FIG4: variants seen among roughly 807,000 people sequenced by gnomAD.
The protein encoded by FIG4 is polyphosphoinositide phosphatase.
Under a neutral mutation model 118.6 loss-of-function variants are expected in FIG4, and 112 were observed. The ratio of observed to expected loss-of-function variants is 0.94; its 90% CI spans 0.81 to 1.11. The LOEUF (loss-of-function observed/expected upper bound fraction) is 1.11, where lower values mean the gene tolerates loss of function less well. FIG4 is among the 50% of genes least tolerant of loss of function. The pLI is 0.00. For synonymous variants in FIG4, 369 were observed against 381.2 expected, an observed-to-expected ratio of 0.97 and a Z score of 0.37; for missense variants, 969 against 1,111.7, an observed-to-expected ratio of 0.87 and a Z score of 1.83.
chr6:109,740,423 C>T (rs1776288776), intron 7 of FIG4, among the ~76,000 whole-genome samples: 1 of 152,076 alleles, frequency 6.6e-6, no homozygotes, highest in Non-Finnish European at 1.5e-5. Context: ...ATGAATACTA[C>T]AGGCCAGGCA....
At chr6:109,810,415 G>A (rs1249103038) in intron 22 of FIG4, among the ~76,000 whole-genome samples, 1 of 152,130 alleles carries the variant, frequency 6.6e-6, no homozygotes, top group Non-Finnish European at 1.5e-5. Context: ...GCCTGTCCAG[G>A]TCGTGGCTGC....
At chr6:109,774,867 A>G (rs1478046595) in intron 15 of FIG4, among the ~76,000 whole-genome samples, 1 of 151,992 alleles carries the variant, frequency 6.6e-6, no homozygotes, top group Non-Finnish European at 1.5e-5. Context: ...CCCCAATACT[A>G]TTGTACTGTT....
Position 109,751,166 on chromosome 6 carries a change from C to A in FIG4, c.1137+7394C>A, listed in dbSNP as rs1562661437. On this transcript the variant is annotated intron_variant, in intron 10 of 22. Transcript: ENST00000230124. ...AATAGTGCCTTAACACCATTTCAGT[C>A]TCACTATTGTGAAATTAATTGTTTT... is the stretch of plus-strand genomic sequence containing the variant. Among the ~76,000 whole-genome samples, 7 of 152,164 alleles carry A rather than the reference C, an allele frequency of 4.6e-5. No homozygotes were observed. In the South Asian group the frequency reaches 1.4e-3, roughly 31 times the overall value.
chr6:109,819,406 C>A (rs1054646959), intron 22 of FIG4, among the ~76,000 whole-genome samples: 8 of 152,140 alleles, frequency 5.3e-5, no homozygotes, highest in Admixed American at 1.3e-4. Flanking sequence ...CAGAAAGTAA[C>A]TTTTGGTTAT....
chr6:109,824,041 C>T (rs1400880132), intron 22 of FIG4, among the ~76,000 whole-genome samples: 1 of 152,198 alleles, frequency 6.6e-6, no homozygotes, highest in Non-Finnish European at 1.5e-5. Context: ...TTGGTTGACT[C>T]ATCCCTTGAA....
At chr6:109,692,014 T>G (rs1774462308) in intron 1 of FIG4, among the ~76,000 whole-genome samples, 1 of 152,252 alleles carries the variant, frequency 6.6e-6, no homozygotes, top group African/African-American at 2.4e-5. Flanking sequence ...AAAGGAAAAC[T>G]TACTTTGTTT....
At chr6:109,717,008 CTT>C (rs58004392) in intron 3 of FIG4, among the ~76,000 whole-genome samples, 85 of 138,102 alleles carry the variant, frequency 6.2e-4, no homozygotes, top group Admixed American at 8.7e-4. Flanking sequence ...TGGATGACTG[CTT>C]TTTTTTTTTT....
intron 22 of FIG4, among the ~76,000 whole-genome samples, chr6:109,820,712 G>A (rs968626635): frequency 6.6e-6 from 1 of 152,120 alleles, no homozygotes; most frequent in African/African-American, 2.4e-5. Flanking sequence ...AGCAGCAGCA[G>A]CATCATTTTA....
At chr6:109,773,748 T>G (rs1028890507) in intron 15 of FIG4, among the ~76,000 whole-genome samples, 3 of 152,194 alleles carry the variant, frequency 2.0e-5, no homozygotes, top group Non-Finnish European at 4.4e-5. Context: ...CACAGCTTAC[T>G]GCAGCCTTGA....
intron 16 of FIG4, among the ~76,000 whole-genome samples, chr6:109,784,532 A>C (rs763354555): frequency 1.3e-5 from 2 of 152,208 alleles, no homozygotes; most frequent in African/African-American, 2.4e-5. Context: ...AGTAGATTCT[A>C]ACTATCAGAT....
chr6:109,703,891 C>T (rs1328298111), intron 1 of FIG4, among the ~76,000 whole-genome samples: 49 of 152,204 alleles, frequency 3.2e-4, no homozygotes, highest in Admixed American at 3.1e-3. Context: ...ATCTTCTCAG[C>T]TGGTTCCTTC....
At chr6:109,805,293 C>G (rs1216765063) in intron 22 of FIG4, among the ~76,000 whole-genome samples, 1 of 152,186 alleles carries the variant, frequency 6.6e-6, no homozygotes, top group Non-Finnish European at 1.5e-5. Context: ...GCAATTAGCT[C>G]TTGAAGTCCC....
In FIG4 at chr6:109,762,123, T is replaced by A; in HGVS notation, c.1304T>A (p.Val435Glu). Residue 435 changes from valine (V) to glutamate (E), a missense_variant, in exon 12 of 23, where the codon GTG (valine) becomes GAG (glutamate). This residue lies in a region of FIG4 where 246 missense variants were observed against 354.3 expected (regional missense o/e 0.69). Coordinates refer to ENST00000230124, the MANE Select transcript of FIG4 (RefSeq NM_014845.6). Reference sequence around the variant, plus strand: ...TGTAATGTTCTTGATCGACTAAATGTGATTGCAGAAAGTGTGGTGAAGAAA... The same window carrying A: ...TGTAATGTTCTTGATCGACTAAATGAGATTGCAGAAAGTGTGGTGAAGAAA... ...KLCNVLDRLNVIAESVVKKTG... is the reference protein window; with the variant it reads ...KLCNVLDRLNEIAESVVKKTG... The A allele has an allele frequency of 6.2e-7, 1 of 1,613,354 alleles. No individual in the cohort carries two copies. The highest frequency in any genetic ancestry group is 1.1e-5 in the South Asian group (1 of 91,066).
rs868101103 is a variant in FIG4 at position 109,691,451 on chromosome 6, G to C, written c.16G>C (p.Ala6Pro). 1 of 1,584,184 alleles carries C rather than the reference G, an allele frequency of 6.3e-7. No homozygotes were observed. The highest frequency in any genetic ancestry group is 8.6e-7 in the Non-Finnish European group (1 of 1,164,960). The change falls in exon 1 of 23, where the codon GCC becomes CCC. Residue 6 changes from alanine to proline, a missense_variant. Ala to Pro is a conservative substitution (Grantham distance 27). Around this residue, in one of 3 missense-constraint regions of FIG4, gnomAD observed 393 missense variants for 409.4 expected, o/e 0.96. Coordinates refer to ENST00000230124, the MANE Select transcript of FIG4 (RefSeq NM_014845.6). ...TGCCGCCGCCATGCCCACGGCCGCCGCCCCCATCATCAGCTCGGTCCAGAA... is the reference window on the plus strand; with the variant it reads ...TGCCGCCGCCATGCCCACGGCCGCCCCCCCCATCATCAGCTCGGTCCAGAA... MPTAAAPIISSVQKLV... is the reference protein window; with the variant it reads MPTAAPPIISSVQKLV...
At chr6:109,741,066 C>A (rs893732987) in intron 7 of FIG4, among the ~76,000 whole-genome samples, 2 of 152,132 alleles carry the variant, frequency 1.3e-5, no homozygotes, top group African/African-American at 4.8e-5. Flanking sequence ...CCTACCCTGA[C>A]ACGTGGGGAT....
At chr6:109,816,107 C>T (rs1778856022) in intron 22 of FIG4, among the ~76,000 whole-genome samples, 1 of 152,112 alleles carries the variant, frequency 6.6e-6, no homozygotes. Flanking sequence ...GTGCTTTGTA[C>T]AGTTCTCCAT....
intron 22 of FIG4, among the ~76,000 whole-genome samples, chr6:109,809,644 C>T (rs1778667141): frequency 6.6e-6 from 1 of 152,128 alleles, no homozygotes; most frequent in Non-Finnish European, 1.5e-5. Flanking sequence ...CAGTATTTGC[C>T]AGCAGGATGA....
chr6:109,754,738 G>A (rs1335735699), intron 10 of FIG4, among the ~76,000 whole-genome samples: 6 of 152,062 alleles, frequency 3.9e-5, no homozygotes, highest in Non-Finnish European at 7.4e-5. Flanking sequence ...AGAGGTGTTT[G>A]TAGTATTCTC....
intron 14 of FIG4, among the ~76,000 whole-genome samples, chr6:109,765,544 G>A (rs1207944622): frequency 6.6e-6 from 1 of 151,954 alleles, no homozygotes; most frequent in Non-Finnish European, 1.5e-5. Flanking sequence ...GCCATGGTTT[G>A]GGCTTTGGGT....
Sources: gnomAD v4.1 joint callset for allele counts (sites outside exome capture counted in the v4.1 genomes callset) on GRCh38, gnomAD v4.1.1 for gene constraint, gnomAD v4.1.1 regional missense constraint, MANE v1.5 for transcripts, NCBI Gene and HGNC (gene_info 2026-07-23, HGNC 2026-07-21) for gene names.